PROSER2: variants seen among roughly 807,000 people sequenced by gnomAD.
PROSER2 encodes the protein proline and serine-rich protein 2.
PROSER2 carries 18 observed loss-of-function variants against 14.6 expected under a neutral mutation model. The ratio of observed to expected loss-of-function variants is 1.23; its 90% CI spans 0.85 to 1.83. PROSER2 has a LOEUF of 1.83. PROSER2 is among the 40% of genes most tolerant of loss of function. The probability of loss-of-function intolerance (pLI) is 0.00; values close to 1 mark genes in which losing one functional copy is unlikely to be tolerated. For synonymous variants in PROSER2, 367 were observed against 286.4 expected (o/e 1.28, Z -2.84); for missense variants, 823 against 629.8 (o/e 1.31, Z -3.28).
rs201903609 is a variant in PROSER2 at position 11,847,666 on chromosome 10, ACCTCGG to A, written c.-81-4326_-81-4321del. ...ACTCCTGACCTCAAGTGATCCACCC[ACCTCGG>A]CCTCCCAAAGTGCTGGGATTACAGG... On this transcript the variant is annotated intron_variant, in intron 1 of 3. Coordinates refer to ENST00000277570, the MANE Select transcript of PROSER2 (RefSeq NM_153256.4). Among the ~76,000 whole-genome samples, 1,653 of 152,116 alleles carry A rather than the reference ACCTCGG, an allele frequency of 0.011. 86 individuals carry two copies. The East Asian group carries it at 0.17, about 16-fold the overall frequency.
rs919253966 is a variant in PROSER2, at chr10:11,870,062, C to G, written c.964C>G (p.Leu322Val). 1.6e-6 allele frequency: 2 copies of G among 1,248,112 alleles called. No homozygotes were observed. The highest frequency in any genetic ancestry group is 3.4e-5 in the East Asian group (1 of 29,740). The allele number at this position is 1,248,112 out of a possible 1,614,324, so 77.3% of individuals were successfully genotyped here. A position where few individuals can be genotyped will look rare whatever the true frequency, so the allele number is the denominator to read the frequency against. ...GGAGCGGGTGGCGCGTGGCCGGGGC[C>G]TGCCGGGCCCCGCTGAGAGTCTCCG... ...SPERVARGRG[L>V]PGPAESLRAG... The change falls in exon 4 of 4, where the codon CTG (leucine) becomes GTG (valine). Residue 322 changes from leucine (L) to valine (V), a missense_variant. Physicochemically the swap from Leu to Val is conservative, Grantham distance 32 (BLOSUM62 1). Transcript: ENST00000277570.
chr10:11,824,970 A>G (rs1412661455), intron 1 of PROSER2, among the ~76,000 whole-genome samples: 1 of 152,200 alleles, frequency 6.6e-6, no homozygotes, highest in Admixed American at 6.5e-5. Flanking sequence ...GACCACCTAC[A>G]GCGCGCAGAG....
At chr10:11,839,195 G>C (rs147826706) in intron 1 of PROSER2, among the ~76,000 whole-genome samples, 245 of 152,238 alleles carry the variant, frequency 1.6e-3, no homozygotes, top group Middle Eastern at 6.8e-3. Context: ...CAGGGAGCAG[G>C]TCTCTACTCC....
chr10:11,848,417 C>T (rs1473763815), intron 1 of PROSER2, among the ~76,000 whole-genome samples: 1 of 152,240 alleles, frequency 6.6e-6, no homozygotes, highest in South Asian at 2.1e-4. Flanking sequence ...GATCCACCCA[C>T]CTTGGCCTCC....
intron 3 of PROSER2, among the ~76,000 whole-genome samples, chr10:11,867,585 C>T (rs1434907871): frequency 1.3e-5 from 2 of 151,908 alleles, no homozygotes; most frequent in Non-Finnish European, 2.9e-5. Flanking sequence ...GATCGTGCTA[C>T]TGCACTCCAG....
At position 11,870,083 on chromosome 10, in the gene PROSER2, C is replaced by T. The variant is rs1378609447; in HGVS notation, c.985C>T (p.Leu329Phe). The T allele has an allele frequency of 3.2e-5, 41 of 1,286,562 alleles. No individual in the cohort carries two copies. The highest frequency in any genetic ancestry group is 3.8e-5 in the Non-Finnish European group (39 of 1,017,570). The allele number at this position is 1,286,562 out of a possible 1,614,324, so 79.7% of individuals were successfully genotyped here. Residue 329 changes from leucine to phenylalanine, a missense_variant, in exon 4 of 4, where the codon CTC (leucine) becomes TTC (phenylalanine). Physicochemically the swap from Leu to Phe is conservative, Grantham distance 22. Transcript: ENST00000277570. ...GRGLPGPAES[L>F]RAGGQAPRGP... ...GGGCCTGCCGGGCCCCGCTGAGAGTCTCCGGGCAGGGGGTCAGGCTCCGCG... is the reference window on the plus strand; with the variant it reads ...GGGCCTGCCGGGCCCCGCTGAGAGTTTCCGGGCAGGGGGTCAGGCTCCGCG...
rs1290784150 is a variant in PROSER2, at chr10:11,870,449, AAG to A, written c.*48_*49del. 3.2e-5 allele frequency: 45 copies of A among 1,387,816 alleles called. No homozygotes were observed. Among genetic ancestry groups the A allele is most frequent in the Middle Eastern group, 1.9e-4 (1 of 5,346 alleles). 86.0% of individuals were successfully genotyped at this position (1,387,816 alleles called of 1,614,324 possible). ...GTCCACCCCGTTTCTCCCCACCCTG[AAG>A]AGAGGGTGAAAGAGTCGCTGCACCC... On this transcript the variant is annotated 3_prime_UTR_variant, in exon 4 of 4. Transcript: ENST00000277570.
At chr10:11,853,435 A>G (rs1834066599) in intron 2 of PROSER2, among the ~76,000 whole-genome samples, 1 of 152,174 alleles carries the variant, frequency 6.6e-6, no homozygotes, top group African/African-American at 2.4e-5. Flanking sequence ...TAAAAATACA[A>G]AAATTAGCCG....
In PROSER2 at chr10:11,823,424, G is replaced by C. The variant is rs984797033; in HGVS notation, c.-128G>C. ...GGCGGCGGCGTGAGGGCTCCGGGTC[G>C]CTGGCGGCGTGGACACCTGAGTCCC... On this transcript the variant is annotated 5_prime_UTR_variant, in exon 1 of 4. Transcript: ENST00000277570. This position sits in a 1 kb window ranked among gnomAD's most constrained non-coding sequence, Gnocchi z 6.2. 6.5e-6 allele frequency: 1 copy of C among 154,252 alleles called. No individual in the cohort carries two copies. Among genetic ancestry groups the C allele is most frequent in the African/African-American group, 2.4e-5 (1 of 41,398 alleles). 9.6% of individuals were successfully genotyped at this position (154,252 alleles called of 1,614,324 possible).
chr10:11,825,690 T>C (rs1419251992), intron 1 of PROSER2, among the ~76,000 whole-genome samples: 2 of 152,162 alleles, frequency 1.3e-5, no homozygotes, highest in Non-Finnish European at 2.9e-5. Flanking sequence ...CTAAGAGTAT[T>C]TTAAGAAAGT....
rs773116226 is a variant in PROSER2, at chr10:11,869,444, C to CT, written c.392-43dup. 8.9e-6 allele frequency: 13 copies of CT among 1,453,106 alleles called. No individual in the cohort carries two copies. Among genetic ancestry groups the CT allele is most frequent in the Non-Finnish European group, 1.3e-5 (13 of 1,035,504 alleles). The allele number at this position is 1,453,106 out of a possible 1,614,324, so 90.0% of individuals were successfully genotyped here. On this transcript the variant is annotated intron_variant, in intron 3 of 3. Transcript: ENST00000277570. The surrounding 1 kb of genome is among the most constrained non-coding windows in gnomAD (Gnocchi z 4.4). The stretch of plus-strand genomic sequence containing the variant: ...AGCGAGAGGGAACTTCATGCATTTA[C>CT]TTTCACGTGGGCCGGTGGCTCACAG...
At chr10:11,845,646 TC>T (rs1833912996) in intron 1 of PROSER2, among the ~76,000 whole-genome samples, 1 of 152,078 alleles carries the variant, frequency 6.6e-6, no homozygotes, top group Admixed American at 6.5e-5. Flanking sequence ...CCCTAGGCCC[TC>T]GGGGAAAGGG....
Position 11,871,205 on chromosome 10 carries a change from C to T in PROSER2, c.*799C>T, listed in dbSNP as rs1446756826. ...ATATAAATAGAAACTTCTGAACACC[C>T]TCCTAAGTCACTACAGGATGCCAGC... On this transcript the variant is annotated 3_prime_UTR_variant, in exon 4 of 4. Coordinates refer to ENST00000277570, the MANE Select transcript of PROSER2 (RefSeq NM_153256.4). 1.3e-5 allele frequency: 2 copies of T among 152,202 alleles called. No homozygotes were observed. Among genetic ancestry groups the T allele is most frequent in the Non-Finnish European group, 2.9e-5 (2 of 68,048 alleles). 9.4% of individuals were successfully genotyped at this position (152,202 alleles called of 1,614,324 possible).
Position 11,866,751 on chromosome 10 carries a change from C to G in PROSER2, c.359C>G (p.Ala120Gly). Residue 120 changes from alanine (A) to glycine (G), a missense_variant, in exon 3 of 4, where the codon GCC becomes GGC. Ala to Gly is a moderately conservative substitution (Grantham distance 60). Coordinates refer to ENST00000277570, the MANE Select transcript of PROSER2 (RefSeq NM_153256.4). This position sits in a 1 kb window ranked among gnomAD's most constrained non-coding sequence, Gnocchi z 6.0. ...LVQPAPGAGE[A>G]EGLPEGTQAA... ...CAGCCAGCACCTGGCGCCGGGGAAG[C>G]CGAGGGCCTTCCAGAGGGGACCCAG... is the stretch of plus-strand genomic sequence containing the variant. 1.2e-6 allele frequency: 2 copies of G among 1,612,912 alleles called. No homozygotes were observed. The highest frequency in any genetic ancestry group is 1.7e-6 in the Non-Finnish European group (2 of 1,179,924).
intron 1 of PROSER2, among the ~76,000 whole-genome samples, chr10:11,824,299 T>C (rs1189874257): frequency 6.6e-6 from 1 of 152,224 alleles, no homozygotes; most frequent in Non-Finnish European, 1.5e-5. Context: ...AGGAAGAAGG[T>C]TCTTTCTGGC....
chr10:11,832,179 C>T (rs979988573), intron 1 of PROSER2, among the ~76,000 whole-genome samples: 1 of 152,068 alleles, frequency 6.6e-6, no homozygotes, highest in Non-Finnish European at 1.5e-5. Context: ...GGTGCTAAAC[C>T]GTGACCGCAT....
At position 11,871,106 on chromosome 10, in the gene PROSER2, GTGTA is replaced by G. The variant is rs1262116978; in HGVS notation, c.*704_*707del. On this transcript the variant is annotated 3_prime_UTR_variant, in exon 4 of 4. Coordinates refer to ENST00000277570, the MANE Select transcript of PROSER2 (RefSeq NM_153256.4). ...CGTGTGCGTGAGCCTGTGTTTGTGT[GTGTA>G]TGTTTTTAGATACGTACGTGTCAAC... The G allele has an allele frequency of 6.6e-6, 1 of 152,328 alleles. No individual in the cohort carries two copies. The highest frequency in any genetic ancestry group is 2.1e-4 in the South Asian group (1 of 4,830). 9.4% of individuals were successfully genotyped at this position (152,328 alleles called of 1,614,324 possible). A position where few individuals can be genotyped will look rare whatever the true frequency, so the allele number is the denominator to read the frequency against.
rs761733280 is a variant in PROSER2, at chr10:11,837,824, G to A, written c.-81-14173G>A. On this transcript the variant is annotated intron_variant, in intron 1 of 3. Coordinates refer to ENST00000277570, the MANE Select transcript of PROSER2 (RefSeq NM_153256.4). The surrounding 1 kb of genome is among the most constrained non-coding windows in gnomAD (Gnocchi z 4.6). ...CAGCTTAGATTCTTCAGTAAAGTGC[G>A]TTGGGTTAACCGTTCCCTGGTTAGT... Among the ~76,000 whole-genome samples, 3 of 152,138 alleles carry A rather than the reference G, an allele frequency of 2.0e-5. No individual in the cohort carries two copies. The highest frequency in any genetic ancestry group is 1.9e-4 in the East Asian group (1 of 5,204).
intron 1 of PROSER2, among the ~76,000 whole-genome samples, chr10:11,842,639 C>G (rs1358525060): frequency 6.6e-6 from 1 of 152,064 alleles, no homozygotes; most frequent in Non-Finnish European, 1.5e-5. Context: ...CATTTTTAGT[C>G]CAAATCTTTC....
Sources: gnomAD v4.1 joint callset for allele counts (sites outside exome capture counted in the v4.1 genomes callset) on GRCh38, gnomAD v4.1.1 for gene constraint, Gnocchi (gnomAD v3.1) non-coding constraint, MANE v1.5 for transcripts, NCBI Gene and HGNC (gene_info 2026-07-23, HGNC 2026-07-21) for gene names.